PDE9A: variants seen among roughly 807,000 people sequenced by gnomAD.
PDE9A encodes high affinity cGMP-specific 3',5'-cyclic phosphodiesterase 9A.
A neutral mutation model predicts 87.4 loss-of-function variants in PDE9A; 60 were observed. The ratio of observed to expected loss-of-function variants is 0.69; its 90% CI spans 0.56 to 0.85. PDE9A has a LOEUF of 0.85. Ranked by LOEUF, PDE9A falls within the 40% of genes least tolerant of loss-of-function variation. The probability of loss-of-function intolerance (pLI) is 0.00; values close to 1 mark genes in which losing one functional copy is unlikely to be tolerated. For missense variants in PDE9A, 665 were observed against 779.0 expected (o/e 0.85, Z 1.74); for synonymous variants, 272 against 279.4 (o/e 0.97, Z 0.27).
At chr21:42,740,583 GTGGATGGATGGATGGA>G (rs58306941) in intron 7 of PDE9A, among the ~76,000 whole-genome samples, 306 of 108,958 alleles carry the variant, frequency 2.8e-3, no homozygotes, top group African/African-American at 7.1e-3. Context: ...AGATGGATGG[GTGGATGGATGGATGGA>G]TGGATGGATG....
At chr21:42,719,483 T>G (rs1172342731) in intron 4 of PDE9A, among the ~76,000 whole-genome samples, 1 of 149,694 alleles carries the variant, frequency 6.7e-6, no homozygotes, top group Admixed American at 6.7e-5. Context: ...AAAAAAAATT[T>G]TGAAAAAATT....
intron 8 of PDE9A, among the ~76,000 whole-genome samples, chr21:42,747,876 C>T (rs190104628): frequency 6.6e-6 from 1 of 152,326 alleles, no homozygotes; most frequent in East Asian, 1.9e-4. Flanking sequence ...GATGGGGACC[C>T]CAGGAAATGA....
At chr21:42,699,171 G>T in intron 4 of PDE9A, 160 bp downstream of exon 4, 1 of 586,360 alleles carries the variant, frequency 1.7e-6, no homozygotes, top group Non-Finnish European at 3.0e-6. Context: ...TTAAGCATTT[G>T]AATCTGCATT....
chr21:42,673,161 G>A (rs753865210), intron 1 of PDE9A, among the ~76,000 whole-genome samples: 2 of 152,202 alleles, frequency 1.3e-5, no homozygotes, highest in Admixed American at 6.5e-5. Context: ...AAGAATCAGA[G>A]CCTCAGAAAA....
Position 42,760,128 on chromosome 21 carries a change from G to A in PDE9A, c.898-200G>A, listed in dbSNP as rs2055546846. Among the ~76,000 whole-genome samples, 1 of 152,014 alleles carries A rather than the reference G, an allele frequency of 6.6e-6. No homozygotes were observed. The highest frequency in any genetic ancestry group is 2.1e-4 in the South Asian group (1 of 4,832). The stretch of plus-strand genomic sequence containing the variant: ...TCCCCACACCTGCCCCGGGTGCCGT[G>A]GTGTGGCCCGCTGGACGTTCTCAGG... On this transcript the variant is annotated intron_variant, in intron 11 of 19. Transcript: ENST00000291539. This position sits in a 1 kb window ranked among gnomAD's most constrained non-coding sequence, Gnocchi z 5.2.
chr21:42,689,513 A>T, intron 3 of PDE9A: 1 of 984,704 alleles, frequency 1.0e-6, no homozygotes. Context: ...GACTAAAATG[A>T]TCTCTCAGAG....
intron 6 of PDE9A, among the ~76,000 whole-genome samples, chr21:42,732,900 AC>A (rs1335486876): frequency 6.6e-6 from 1 of 152,206 alleles, no homozygotes; most frequent in Non-Finnish European, 1.5e-5. Flanking sequence ...GGCAAGAGTG[AC>A]ACTCTGTCTC....
At chr21:42,714,021 T>TC (rs950338854) in intron 4 of PDE9A, among the ~76,000 whole-genome samples, 1 of 143,148 alleles carries the variant, frequency 7.0e-6, no homozygotes, top group Non-Finnish European at 1.5e-5. Flanking sequence ...TTCCAATTTT[T>TC]TTTTTTTTTT....
rs2060079365 is a variant in PDE9A, at chr21:42,695,265, G to A, written c.219-3703G>A. 6.6e-6 allele frequency among the ~76,000 whole-genome samples: 1 copy of A among 152,214 alleles called. No individual in the cohort carries two copies. Among genetic ancestry groups the A allele is most frequent in the South Asian group, 2.1e-4 (1 of 4,834 alleles). The stretch of plus-strand genomic sequence containing the variant: ...CCAACCATGATCAAATAAGGCTCCA[G>A]CATTCCTCCTTGGAGGGACTCTGAG... On this transcript the variant is annotated intron_variant, in intron 3 of 19. Transcript: ENST00000291539. The surrounding 1 kb of genome is among the most constrained non-coding windows in gnomAD (Gnocchi z 4.3).
rs571091218 is a variant in PDE9A at position 42,695,521 on chromosome 21, C to T, written c.219-3447C>T. 3.3e-5 allele frequency among the ~76,000 whole-genome samples: 5 copies of T among 152,320 alleles called. No homozygotes were observed. The highest frequency in any genetic ancestry group is 1.2e-4 in the African/African-American group (5 of 41,562). On this transcript the variant is annotated intron_variant, in intron 3 of 19. Transcript: ENST00000291539. The surrounding 1 kb of genome is among the most constrained non-coding windows in gnomAD (Gnocchi z 4.3). ...GGCCAGAGGACGGCGCCGTGCGACA[C>T]ACACCATTGCTCCTTTTGTTCCCGG...
chr21:42,658,369 C>T (rs2057247885), intron 1 of PDE9A, among the ~76,000 whole-genome samples: 3 of 152,218 alleles, frequency 2.0e-5, no homozygotes, highest in Admixed American at 1.3e-4. Flanking sequence ...CCTCTGCCTT[C>T]ATTTCTTGCT....
At chr21:42,752,499 C>A (rs1384666175) in intron 9 of PDE9A, among the ~76,000 whole-genome samples, 1 of 152,320 alleles carries the variant, frequency 6.6e-6, no homozygotes, top group Admixed American at 6.5e-5. Context: ...GAACTCCTGA[C>A]CTCAGGTGAT....
chr21:42,660,323 C>T lies in PDE9A; in HGVS notation c.69+6440C>T, dbSNP rs1463127249. Among the ~76,000 whole-genome samples, 3 of 152,188 alleles carry T rather than the reference C, an allele frequency of 2.0e-5. No homozygotes were observed. Among genetic ancestry groups the T allele is most frequent in the Non-Finnish European group, 4.4e-5 (3 of 68,022 alleles). On this transcript the variant is annotated intron_variant, in intron 1 of 19. Transcript: ENST00000291539. The surrounding 1 kb of genome is among the most constrained non-coding windows in gnomAD (Gnocchi z 4.7). The stretch of plus-strand genomic sequence containing the variant: ...CAAACCCACCCTGAGCTCAGGATCC[C>T]TCCAGCTTCCAGGAGCAGGTGCGGG...
intron 7 of PDE9A, among the ~76,000 whole-genome samples, chr21:42,742,535 G>A (rs932333123): frequency 3.5e-5 from 5 of 141,024 alleles, no homozygotes; most frequent in Non-Finnish European, 3.0e-5. Context: ...GCGTGATCTC[G>A]GCTCACTGCA....
At chr21:42,772,624 T>A in intron 19 of PDE9A, 104 bp downstream of exon 19, 1 of 807,308 alleles carries the variant, frequency 1.2e-6, no homozygotes, top group Non-Finnish European at 2.0e-6. Context: ...GGAATACCTT[T>A]AAATGAATGG....
chr21:42,747,479 C>CA (rs903652975), intron 8 of PDE9A, among the ~76,000 whole-genome samples: 2 of 152,274 alleles, frequency 1.3e-5, no homozygotes, highest in Admixed American at 1.3e-4. Flanking sequence ...GCCCACATAG[C>CA]ACACCCTGGT....
chr21:42,686,348 C>T lies in PDE9A; in HGVS notation c.140+86C>T. On this transcript the variant is annotated intron_variant, in intron 2 of 19. Coordinates refer to ENST00000291539, the MANE Select transcript of PDE9A (RefSeq NM_002606.3). ...TGGCTGGGAGGGGCGGGAAGAGGCGCTGAAGGGCCCGAGGCACCGGCCTTC... is the reference window on the plus strand; with the variant it reads ...TGGCTGGGAGGGGCGGGAAGAGGCGTTGAAGGGCCCGAGGCACCGGCCTTC... 3 of 1,051,330 alleles carry T rather than the reference C, an allele frequency of 2.9e-6. No individual in the cohort carries two copies. In the South Asian group the frequency reaches 3.8e-5, roughly 13 times the overall value. The allele number at this position is 1,051,330 out of a possible 1,614,324, so 65.1% of individuals were successfully genotyped here.
chr21:42,745,828 C>T (rs924629083), intron 8 of PDE9A, among the ~76,000 whole-genome samples: 7 of 152,138 alleles, frequency 4.6e-5, no homozygotes, highest in African/African-American at 1.2e-4. Context: ...ACCAGCAGCA[C>T]GAGGGGAAGA....
At position 42,759,601 on chromosome 21, in the gene PDE9A, ATG is replaced by A. The variant is rs539193282; in HGVS notation, c.897+521_897+522del. ...TGAGTTTACGGGTGGGTGTGTGTGA[ATG>A]TGTGGTGGGAGTGTGTGGGGTGGGA... On this transcript the variant is annotated intron_variant, in intron 11 of 19. Coordinates refer to ENST00000291539, the MANE Select transcript of PDE9A (RefSeq NM_002606.3). The surrounding 1 kb of genome is among the most constrained non-coding windows in gnomAD (Gnocchi z 7.2). 1.0e-4 allele frequency among the ~76,000 whole-genome samples: 15 copies of A among 143,116 alleles called. No individual in the cohort carries two copies. The highest frequency in any genetic ancestry group is 8.9e-4 in the South Asian group (4 of 4,474). 93.9% of individuals were successfully genotyped at this position (143,116 alleles called of 152,430 possible).
Sources: allele counts gnomAD v4.1 joint callset (sites outside exome capture counted in the v4.1 genomes callset), GRCh38; gene constraint gnomAD v4.1.1; non-coding constraint Gnocchi (gnomAD v3.1); transcripts MANE v1.5; gene names NCBI Gene and HGNC (gene_info 2026-07-23, HGNC 2026-07-21).